Variants in NPSR1 observed in about 807,000 individuals in gnomAD.
NPSR1 encodes the protein neuropeptide S receptor 1.
Under a neutral mutation model 46.9 loss-of-function variants are expected in NPSR1, and 48 were observed. The ratio of observed to expected loss-of-function variants is 1.02; its 90% CI spans 0.81 to 1.30. NPSR1 has a LOEUF of 1.30. Ranked by LOEUF, NPSR1 falls within the 50% of genes most tolerant of loss-of-function variation. NPSR1 has a pLI of 0.00. For synonymous variants in NPSR1, 176 were observed against 168.1 expected (o/e 1.05, Z -0.36); for missense variants, 450 against 449.5 (o/e 1.00, Z -0.01).
chr7:34,671,337 A>T (rs974355078), intron 1 of NPSR1, among the ~76,000 whole-genome samples: 3 of 152,202 alleles, frequency 2.0e-5, no homozygotes, highest in African/African-American at 7.2e-5. Flanking sequence ...TGTATTTTCT[A>T]GAGTGAGCAC....
rs56880784 is a variant in NPSR1 at position 34,725,099 on chromosome 7, T to TCACACA, written c.280+40436_280+40441dup. 6.9e-3 allele frequency among the ~76,000 whole-genome samples: 1,014 copies of TCACACA among 146,584 alleles called. 13 individuals carry two copies. Among genetic ancestry groups the TCACACA allele is most frequent in the South Asian group, 0.04 (181 of 4,514 alleles). ...TCTAAGTACCCACACACACACAGAC[T>TCACACA]CACACACACACACACACACACACAC... On this transcript the variant is annotated intron_variant, in intron 2 of 8. Coordinates refer to ENST00000360581, the MANE Select transcript of NPSR1 (RefSeq NM_207172.2).
intron 3 of NPSR1, among the ~76,000 whole-genome samples, chr7:34,779,063 G>A (rs324984): frequency 6.8e-4 from 103 of 151,956 alleles, no homozygotes; most frequent in African/African-American, 2.3e-3. Flanking sequence ...TTTCCTTTTT[G>A]AATGATTTTA....
intron 2 of NPSR1, among the ~76,000 whole-genome samples, chr7:34,777,386 A>G: frequency 6.6e-6 from 1 of 151,964 alleles, no homozygotes. Context: ...ATGCCTCACA[A>G]TTGCTGTGCT....
At position 34,803,484 on chromosome 7, in the gene NPSR1, G is replaced by A. The variant is rs184427830; in HGVS notation, c.385-8286G>A. On this transcript the variant is annotated intron_variant, in intron 3 of 8. Coordinates refer to ENST00000360581, the MANE Select transcript of NPSR1 (RefSeq NM_207172.2). ...TCGCAAGGACAAAAAATCAAACACCGCAGGTTCGCACTCATAGGTGGGAAT... is the reference window on the plus strand; with the variant it reads ...TCGCAAGGACAAAAAATCAAACACCACAGGTTCGCACTCATAGGTGGGAAT... Among the ~76,000 whole-genome samples, 705 of 151,748 alleles carry A rather than the reference G, an allele frequency of 4.6e-3. 1 individual carries two copies. Among genetic ancestry groups the A allele is most frequent in the Non-Finnish European group, 8.4e-3 (569 of 67,958 alleles).
intron 8 of NPSR1, among the ~76,000 whole-genome samples, chr7:34,864,087 C>T (rs1791251310): frequency 6.6e-6 from 1 of 151,652 alleles, no homozygotes; most frequent in Non-Finnish European, 1.5e-5. Flanking sequence ...ATAGATGAAG[C>T]TGGAAACCAT....
chr7:34,660,132 C>T (rs548119325), intron 1 of NPSR1: 127 of 456,696 alleles, frequency 2.8e-4, no homozygotes, highest in African/African-American at 1.8e-3. Flanking sequence ...GCAACATCAT[C>T]GCCAGACACT....
chr7:34,738,198 A>G (rs932888028), intron 2 of NPSR1, among the ~76,000 whole-genome samples: 1 of 152,244 alleles, frequency 6.6e-6, no homozygotes, highest in Admixed American at 6.5e-5. Context: ...GTACTATAGT[A>G]TCTTCATAAA....
chr7:34,666,682 A>G (rs946150851), intron 1 of NPSR1, among the ~76,000 whole-genome samples: 1 of 152,206 alleles, frequency 6.6e-6, no homozygotes, highest in African/African-American at 2.4e-5. Context: ...ATTGATATAA[A>G]TACTAAGTGT....
At chr7:34,727,931 C>T (rs1449119581) in intron 2 of NPSR1, among the ~76,000 whole-genome samples, 1 of 151,588 alleles carries the variant, frequency 6.6e-6, no homozygotes, top group Non-Finnish European at 1.5e-5. Flanking sequence ...TTTTAAAAAT[C>T]CCTGATGATA....
At chr7:34,848,693 C>T (rs577207136) in intron 8 of NPSR1, 30 bp downstream of exon 8, 1 of 1,588,376 alleles carries the variant, frequency 6.3e-7, no homozygotes, top group South Asian at 1.1e-5. Flanking sequence ...GGGTCAGACA[C>T]ACTGATGGCC....
chr7:34,695,290 G>C (rs553804067), intron 2 of NPSR1, among the ~76,000 whole-genome samples: 85 of 152,036 alleles, frequency 5.6e-4, no homozygotes, highest in African/African-American at 2.0e-3. Context: ...CCCTACCTAT[G>C]ACAATATACA....
chr7:34,827,373 C>G (rs778439500), intron 4 of NPSR1, 28 bp from the exon 5 acceptor site: 1 of 1,608,470 alleles, frequency 6.2e-7, no homozygotes, highest in Admixed American at 1.7e-5. Flanking sequence ...GCCACATACC[C>G]AGACATTCCT....
chr7:34,849,174 T>C (rs760511483), intron 8 of NPSR1: 5 of 625,906 alleles, frequency 8.0e-6, no homozygotes, highest in South Asian at 5.7e-5. Context: ...GAGAATTCCA[T>C]AGGAGATACA....
At chr7:34,791,689 A>T (rs549423051) in intron 3 of NPSR1, among the ~76,000 whole-genome samples, 40 of 152,188 alleles carry the variant, frequency 2.6e-4, no homozygotes, top group Non-Finnish European at 4.9e-4. Flanking sequence ...GTTTTACAGA[A>T]ATTAAAAAAA....
chr7:34,674,702 T>C (rs1389312915), intron 1 of NPSR1, among the ~76,000 whole-genome samples: 1 of 152,166 alleles, frequency 6.6e-6, no homozygotes, highest in African/African-American at 2.4e-5. Flanking sequence ...CCTGAAAACA[T>C]GAGGGGCACG....
intron 2 of NPSR1, among the ~76,000 whole-genome samples, chr7:34,747,656 G>T (rs143815238): frequency 2.0e-5 from 3 of 152,152 alleles, no homozygotes; most frequent in East Asian, 3.9e-4. Context: ...GAGCACCCAC[G>T]CACGCATGTG....
At chr7:34,736,658 T>C (rs1488031536) in intron 2 of NPSR1, among the ~76,000 whole-genome samples, 1 of 152,138 alleles carries the variant, frequency 6.6e-6, no homozygotes, top group Non-Finnish European at 1.5e-5. Flanking sequence ...TGGAATGCAG[T>C]GGTGCCATCA....
In NPSR1 at chr7:34,778,550, G is replaced by A. The variant is rs754992389; in HGVS notation, c.369G>A (p.Val123=). The A allele has an allele frequency of 1.2e-6, 2 of 1,609,648 alleles. No individual in the cohort carries two copies. The highest frequency in any genetic ancestry group is 1.7e-6 in the Non-Finnish European group (2 of 1,176,538). Residue 123 remains valine (V), a synonymous_variant, in exon 3 of 9, where the codon GTG becomes GTA. Transcript: ENST00000360581. The part of the protein sequence containing the change: ...DFTAPDLVCR[V]VRYLQVVLLY... ...CGGCACCTGACCTGGTTTGCCGAGT[G>A]GTCCGCTATTTGCAGGTATGTCACA...
chr7:34,754,718 T>A (rs1464288927), intron 2 of NPSR1, among the ~76,000 whole-genome samples: 21 of 152,168 alleles, frequency 1.4e-4, no homozygotes, highest in Non-Finnish European at 1.2e-4. Flanking sequence ...TGTATAACCA[T>A]CACCAAAGTC....
Sources: allele counts gnomAD v4.1 joint callset (sites outside exome capture counted in the v4.1 genomes callset), GRCh38; gene constraint gnomAD v4.1.1; transcripts MANE v1.5; gene names NCBI Gene and HGNC (gene_info 2026-07-23, HGNC 2026-07-21).